The following MYLK variants were observed in gnomAD, a reference collection of about 807,000 sequenced individuals.
MYLK encodes the protein myosin light chain kinase.
In MYLK, 106 loss-of-function variants were observed where a neutral mutation model predicts 203.4. That is an observed-to-expected ratio of 0.52 (90% CI 0.45 to 0.61). MYLK has a LOEUF of 0.61. MYLK is among the 20% of genes least tolerant of loss of function. The probability of loss-of-function intolerance (pLI) is 0.00; values close to 1 mark genes in which losing one functional copy is unlikely to be tolerated. For synonymous variants in MYLK, 867 were observed against 959.5 expected, an observed-to-expected ratio of 0.90 and a Z score of 1.78; for missense variants, 2,072 against 2,442.3, an observed-to-expected ratio of 0.85 and a Z score of 3.20.
chr3:123,747,162 G>T (rs917373483), intron 5 of MYLK, among the ~76,000 whole-genome samples: 4 of 152,206 alleles, frequency 2.6e-5, no homozygotes, highest in Non-Finnish European at 5.9e-5. Flanking sequence ...CATTTCCTAC[G>T]AATTCAAGGT....
chr3:123,667,305 G>T, intron 20 of MYLK, 118 bp from the exon 21 acceptor site: 1 of 1,011,926 alleles, frequency 9.9e-7, no homozygotes, highest in South Asian at 1.4e-5. Flanking sequence ...ACTCTTATTT[G>T]AACATGTCTT....
intron 30 of MYLK, among the ~76,000 whole-genome samples, chr3:123,628,135 A>C (rs60719541): frequency 0.015 from 2,240 of 152,228 alleles, 59 homozygotes; most frequent in African/African-American, 0.048. Flanking sequence ...TCTGATACAG[A>C]CTGTGACAGC....
chr3:123,726,335 C>T (rs1282788386), intron 11 of MYLK, among the ~76,000 whole-genome samples: 2 of 152,178 alleles, frequency 1.3e-5, no homozygotes, highest in East Asian at 3.9e-4. Flanking sequence ...TGCTTAGAAC[C>T]TGGGCCTGCC....
At chr3:123,679,077 G>A (rs1036392884) in intron 20 of MYLK, among the ~76,000 whole-genome samples, 3 of 152,146 alleles carry the variant, frequency 2.0e-5, no homozygotes, top group African/African-American at 7.2e-5. Context: ...GGGAGGCTGA[G>A]GCGGGCGGAT....
Position 123,861,003 on chromosome 3 carries a change from G to A in MYLK, c.-127+15556C>T, listed in dbSNP as rs577902512. 1.3e-4 allele frequency among the ~76,000 whole-genome samples: 20 copies of A among 152,092 alleles called. No homozygotes were observed. The East Asian group carries it at 3.1e-3, about 24-fold the overall frequency. ...AAATTAGCCGGGCATGGTGGCGGGC[G>A]CCTGTGGTCTCAGCTACTTGGGAGG... On this transcript the variant is annotated intron_variant, in intron 2 of 33. Transcript: ENST00000360304.
intron 3 of MYLK, among the ~76,000 whole-genome samples, chr3:123,813,036 C>T (rs2065614557): frequency 6.6e-6 from 1 of 152,148 alleles, no homozygotes; most frequent in Non-Finnish European, 1.5e-5. Context: ...AAAAAACGTG[C>T]CTTGACAGAG....
chr3:123,816,664 C>T (rs1055558803), intron 3 of MYLK, among the ~76,000 whole-genome samples: 3 of 152,230 alleles, frequency 2.0e-5, no homozygotes, highest in Non-Finnish European at 4.4e-5. Flanking sequence ...TCCTCCTTCT[C>T]CAAATATGCC....
At chr3:123,867,650 G>A (rs2032426676) in intron 2 of MYLK, among the ~76,000 whole-genome samples, 1 of 152,178 alleles carries the variant, frequency 6.6e-6, no homozygotes, top group African/African-American at 2.4e-5. Context: ...TCAGAGGAAA[G>A]CTTGACTCTG....
chr3:123,757,057 GGCAGTC>G lies in MYLK; in HGVS notation c.166-4525_166-4520del, dbSNP rs374932062. On this transcript the variant is annotated intron_variant, in intron 4 of 33. Coordinates refer to ENST00000360304, the MANE Select transcript of MYLK (RefSeq NM_053025.4). Reference sequence around the variant, plus strand: ...TGAGGAGAAAGCTGAGCTGCAGGCAGGCAGTCGCTTGGCCACTGCATTCTACCTGCC... The same window carrying G: ...TGAGGAGAAAGCTGAGCTGCAGGCAGGCTTGGCCACTGCATTCTACCTGCC... 4.9e-3 allele frequency among the ~76,000 whole-genome samples: 742 copies of G among 152,284 alleles called. 9 individuals are homozygous for G. Among genetic ancestry groups the G allele is most frequent in the African/African-American group, 0.017 (710 of 41,558 alleles).
intron 24 of MYLK, 70 bp downstream of exon 24, chr3:123,657,055 AC>A: frequency 6.5e-7 from 1 of 1,547,606 alleles, no homozygotes; most frequent in Non-Finnish European, 8.9e-7. Context: ...CCCTTTCAGT[AC>A]AGTCTTTACA....
At position 123,640,210 on chromosome 3, in the gene MYLK, C is replaced by T; in HGVS notation, c.4837+77G>A. On this transcript the variant is annotated intron_variant, in intron 28 of 33. Transcript: ENST00000360304. The surrounding 1 kb of genome is among the most constrained non-coding windows in gnomAD (Gnocchi z 4.3). Reference sequence around the variant, plus strand: ...GATTTAACCCCAATACTGTATGTTTCCTCTCACACTCAGTGTGAGAGGAAA... The same window carrying T: ...GATTTAACCCCAATACTGTATGTTTTCTCTCACACTCAGTGTGAGAGGAAA... 2 of 1,356,642 alleles carry T rather than the reference C, an allele frequency of 1.5e-6. No individual in the cohort carries two copies. Among genetic ancestry groups the T allele is most frequent in the Non-Finnish European group, 2.1e-6 (2 of 947,610 alleles). The allele number at this position is 1,356,642 out of a possible 1,614,324, so 84.0% of individuals were successfully genotyped here.
intron 32 of MYLK, among the ~76,000 whole-genome samples, chr3:123,619,730 A>G (rs544403741): frequency 6.6e-6 from 1 of 152,368 alleles, no homozygotes; most frequent in East Asian, 1.9e-4. Context: ...ACGATTCAGC[A>G]TCATGAACAA....
chr3:123,763,621 T>C (rs2063607238), intron 4 of MYLK, among the ~76,000 whole-genome samples: 1 of 152,234 alleles, frequency 6.6e-6, no homozygotes, highest in African/African-American at 2.4e-5. Flanking sequence ...AAGGCAATTC[T>C]GGCATCCAGT....
At chr3:123,737,060 A>C (rs982596493) in intron 8 of MYLK, among the ~76,000 whole-genome samples, 4 of 151,714 alleles carry the variant, frequency 2.6e-5, no homozygotes, top group African/African-American at 9.7e-5. Flanking sequence ...CTCTACAAAA[A>C]ATACAAAAAT....
At chr3:123,715,814 A>G (rs2061871844) in intron 13 of MYLK, 1 of 152,194 alleles carries the variant, frequency 6.6e-6, no homozygotes, top group African/African-American at 2.4e-5. Context: ...AAAAACAACT[A>G]AATTCTGAAT....
Position 123,629,366 on chromosome 3 carries a change from C to T in MYLK, c.5114+108G>A. On this transcript the variant is annotated intron_variant, in intron 30 of 33. Transcript: ENST00000360304. This position sits in a 1 kb window ranked among gnomAD's most constrained non-coding sequence, Gnocchi z 4.4. Reference sequence around the variant, plus strand: ...TCCTCAGGGAATGCTAGGAACGACCCAAGGCGGGGTGGCAAGGAGGGCACC... The same window carrying T: ...TCCTCAGGGAATGCTAGGAACGACCTAAGGCGGGGTGGCAAGGAGGGCACC... 7.2e-7 allele frequency: 1 copy of T among 1,395,318 alleles called. No homozygotes were observed. The highest frequency in any genetic ancestry group is 1.0e-6 in the Non-Finnish European group (1 of 1,000,128). The allele number at this position is 1,395,318 out of a possible 1,614,324, so 86.4% of individuals were successfully genotyped here.
chr3:123,727,129 C>T (rs1381079156), intron 11 of MYLK, among the ~76,000 whole-genome samples: 6 of 152,180 alleles, frequency 3.9e-5, no homozygotes, highest in South Asian at 2.1e-4. Context: ...TAGTTGAACT[C>T]GATGCTGAAG....
chr3:123,691,668 A>G (rs934974455), intron 19 of MYLK: 1 of 152,218 alleles, frequency 6.6e-6, no homozygotes, highest in Non-Finnish European at 1.5e-5. Flanking sequence ...ACGGGCTAGG[A>G]CTTCAGAACT....
At chr3:123,677,902 T>TATATATAC (rs2060125001) in intron 20 of MYLK, among the ~76,000 whole-genome samples, 1 of 91,248 alleles carries the variant, frequency 1.1e-5, no homozygotes, top group Non-Finnish European at 2.1e-5. Flanking sequence ...TATATATATA[T>TATATATAC]ATATATATAT....
Sources: gnomAD v4.1 joint callset for allele counts (sites outside exome capture counted in the v4.1 genomes callset) on GRCh38, gnomAD v4.1.1 for gene constraint, Gnocchi (gnomAD v3.1) non-coding constraint, MANE v1.5 for transcripts, NCBI Gene and HGNC (gene_info 2026-07-23, HGNC 2026-07-21) for gene names.